Variants in UBTD2 observed in about 807,000 individuals in gnomAD.
The protein encoded by UBTD2 is ubiquitin domain-containing protein 2.
UBTD2 carries 9 observed loss-of-function variants against 19.8 expected under a neutral mutation model. The ratio of observed to expected loss-of-function variants is 0.46; its 90% confidence interval spans 0.27 to 0.79. The LOEUF (loss-of-function observed/expected upper bound fraction) is 0.79. Ranked by LOEUF, UBTD2 falls within the 30% of genes least tolerant of loss-of-function variation. UBTD2 has a pLI of 0.14. For missense variants in UBTD2, 250 were observed against 300.4 expected (o/e 0.83, Z 1.24); for synonymous variants, 98 against 103.9 (o/e 0.94, Z 0.35).
intron 2 of UBTD2, among the ~76,000 whole-genome samples, chr5:172,214,022 T>C (rs1771498587): frequency 6.6e-6 from 1 of 152,242 alleles, no homozygotes; most frequent in Non-Finnish European, 1.5e-5. Context: ...CTGACCTAGG[T>C]GATCTGCTCG....
chr5:172,267,809 T>C (rs994006610), intron 1 of UBTD2, among the ~76,000 whole-genome samples: 1 of 152,222 alleles, frequency 6.6e-6, no homozygotes, highest in Admixed American at 6.5e-5. Context: ...GATTCCATGT[T>C]AATGTCTGAA....
At chr5:172,216,591 CAAAAAAAAA>C (rs57657254) in intron 2 of UBTD2, among the ~76,000 whole-genome samples, 109 of 36,934 alleles carry the variant, frequency 3.0e-3, no homozygotes, top group Non-Finnish European at 4.5e-3. Context: ...CATCTCTACC[CAAAAAAAAA>C]AAAAAAAAAA....
rs73315996 is a variant in UBTD2 at position 172,273,922 on chromosome 5, C to T, written c.70+9674G>A. Among the ~76,000 whole-genome samples, 1,084 of 152,090 alleles carry T rather than the reference C, an allele frequency of 7.1e-3. 11 individuals are homozygous for T. The highest frequency in any genetic ancestry group is 0.025 in the African/African-American group (1,033 of 41,480). ...CTTTTTGGTCCCCTCCCTACAACTC[C>T]ACTCCTCCTAGTAAAATTTGCTGCC... On this transcript the variant is annotated intron_variant, in intron 1 of 2. Coordinates refer to ENST00000393792, the MANE Select transcript of UBTD2 (RefSeq NM_152277.3).
At position 172,251,991 on chromosome 5, in the gene UBTD2, A is replaced by G. The variant is rs188428324; in HGVS notation, c.71-17633T>C. On this transcript the variant is annotated intron_variant, in intron 1 of 2. Transcript: ENST00000393792. ...ACTGTTATAAAGATTTAACGAGGTAATATTTCTCAAACAATTAGAACAGTA... is the reference window on the plus strand; with the variant it reads ...ACTGTTATAAAGATTTAACGAGGTAGTATTTCTCAAACAATTAGAACAGTA... Among the ~76,000 whole-genome samples, 498 of 152,358 alleles carry G rather than the reference A, an allele frequency of 3.3e-3. 1 individual carries two copies. Among genetic ancestry groups the G allele is most frequent in the African/African-American group, 0.011 (467 of 41,578 alleles).
In UBTD2 at chr5:172,212,112, A is replaced by G. The variant is rs200893914; in HGVS notation, c.423T>C (p.Ile141=). 1 of 1,614,218 alleles carries G rather than the reference A, an allele frequency of 6.2e-7. No individual in the cohort carries two copies. Among genetic ancestry groups the G allele is most frequent in the East Asian group, 2.2e-5 (1 of 44,894 alleles). Residue 141 remains isoleucine, a synonymous_variant, in exon 3 of 3, where the codon ATT becomes ATC. Coordinates refer to ENST00000393792, the MANE Select transcript of UBTD2 (RefSeq NM_152277.3). ...ATCCAGAATTGGGTGGTGGCTCAGG[A>G]ATATCCAGAGTCTCTATGTCGCTCT... ...EEKSDIETLD[I]PEPPPNSGYE...
chr5:172,232,166 G>A (rs1771913845), intron 2 of UBTD2, among the ~76,000 whole-genome samples: 1 of 152,098 alleles, frequency 6.6e-6, no homozygotes, highest in Admixed American at 6.5e-5. Flanking sequence ...CCAGCTACTT[G>A]GGAGGCTGAG....
intron 1 of UBTD2, among the ~76,000 whole-genome samples, chr5:172,275,133 A>T (rs1258352712): frequency 6.6e-6 from 1 of 152,172 alleles, no homozygotes; most frequent in Non-Finnish European, 1.5e-5. Context: ...GGAAACTTAC[A>T]ATCACGGTGG....
chr5:172,236,940 A>G (rs1772023098), intron 1 of UBTD2, among the ~76,000 whole-genome samples: 1 of 152,192 alleles, frequency 6.6e-6, no homozygotes, highest in African/African-American at 2.4e-5. Flanking sequence ...CCTTGGAAAA[A>G]TTGTAAAACA....
At chr5:172,271,498 C>G (rs1022144975) in intron 1 of UBTD2, among the ~76,000 whole-genome samples, 2 of 151,836 alleles carry the variant, frequency 1.3e-5, no homozygotes, top group Non-Finnish European at 2.9e-5. Context: ...GACCCTGCCC[C>G]CCACTCCTCC....
intron 1 of UBTD2, among the ~76,000 whole-genome samples, chr5:172,251,321 A>AAAAAAAAAT (rs773575921): frequency 6.6e-6 from 1 of 151,650 alleles, no homozygotes; most frequent in Non-Finnish European, 1.5e-5. Flanking sequence ...TCTCAAAAAA[A>AAAAAAAAAT]AAAAAGAAAA....
At chr5:172,254,648 C>T (rs558666032) in intron 1 of UBTD2, 16 of 617,590 alleles carry the variant, frequency 2.6e-5, no homozygotes, top group Non-Finnish European at 4.1e-5. Flanking sequence ...TCCTCCACTT[C>T]GAGTATCCGG....
At chr5:172,267,604 G>A (rs1208237104) in intron 1 of UBTD2, among the ~76,000 whole-genome samples, 2 of 152,184 alleles carry the variant, frequency 1.3e-5, no homozygotes, top group Non-Finnish European at 2.9e-5. Flanking sequence ...GACATGACGT[G>A]TTTAACTTCT....
At position 172,259,187 on chromosome 5, in the gene UBTD2, G is replaced by A. The variant is rs542394221; in HGVS notation, c.70+24409C>T. Among the ~76,000 whole-genome samples, 5 of 152,238 alleles carry A rather than the reference G, an allele frequency of 3.3e-5. No homozygotes were observed. The South Asian group carries it at 1.0e-3, about 32-fold the overall frequency. On this transcript the variant is annotated intron_variant, in intron 1 of 2. Coordinates refer to ENST00000393792, the MANE Select transcript of UBTD2 (RefSeq NM_152277.3). ...AGACAGAGTCTCGTTATGTTACCCA[G>A]GCTGGAGTGCAGTGGTGCCACCTCG...
chr5:172,272,533 C>T (rs1270985935), intron 1 of UBTD2, among the ~76,000 whole-genome samples: 1 of 152,160 alleles, frequency 6.6e-6, no homozygotes, highest in Non-Finnish European at 1.5e-5. Context: ...TTGATCATGT[C>T]CGGTTAATTT....
intron 1 of UBTD2, chr5:172,254,885 T>G: frequency 2.0e-6 from 1 of 501,704 alleles, no homozygotes; most frequent in Non-Finnish European, 3.8e-6. Context: ...ACTACTGGAA[T>G]TTTTCATCTC....
Position 172,212,117 on chromosome 5 carries a change from C to A in UBTD2, c.418G>T (p.Asp140Tyr), listed in dbSNP as rs763104557. Residue 140 changes from aspartate to tyrosine, a missense_variant, in exon 3 of 3, where the codon GAT (aspartate) becomes TAT (tyrosine). By Grantham distance (160) the Asp-to-Tyr change is radical (BLOSUM62 -3). Coordinates refer to ENST00000393792, the MANE Select transcript of UBTD2 (RefSeq NM_152277.3). ...GAATTGGGTGGTGGCTCAGGAATAT[C>A]CAGAGTCTCTATGTCGCTCTTTTCC... ...IEEKSDIETLDIPEPPPNSGY... is the reference protein window; with the variant it reads ...IEEKSDIETLYIPEPPPNSGY... 6.2e-7 allele frequency: 1 copy of A among 1,614,202 alleles called. No homozygotes were observed. Among genetic ancestry groups the A allele is most frequent in the Non-Finnish European group, 8.5e-7 (1 of 1,180,044 alleles).
At chr5:172,241,871 T>A (rs375242197) in intron 1 of UBTD2, among the ~76,000 whole-genome samples, 12 of 152,196 alleles carry the variant, frequency 7.9e-5, no homozygotes, top group East Asian at 5.8e-4. Context: ...ATACAAAAAT[T>A]AGCTGGGTGT....
intron 2 of UBTD2, among the ~76,000 whole-genome samples, chr5:172,225,596 C>T (rs953379200): frequency 6.6e-6 from 1 of 152,182 alleles, no homozygotes; most frequent in African/African-American, 2.4e-5. Context: ...GTGAGACTTG[C>T]ATCACTACAT....
intron 2 of UBTD2, among the ~76,000 whole-genome samples, chr5:172,213,764 G>T (rs1171847847): frequency 6.6e-6 from 1 of 152,034 alleles, no homozygotes; most frequent in Non-Finnish European, 1.5e-5. Flanking sequence ...TTCCTCGGGG[G>T]AACTTGAAAG....
Sources: gnomAD v4.1 joint callset for allele counts (sites outside exome capture counted in the v4.1 genomes callset) on GRCh38, gnomAD v4.1.1 for gene constraint, MANE v1.5 for transcripts, NCBI Gene and HGNC (gene_info 2026-07-23, HGNC 2026-07-21) for gene names.